The following CLK3 variants were observed in gnomAD, a reference collection of about 807,000 sequenced individuals.
The protein encoded by CLK3 is CDC like kinase 3.
A neutral mutation model predicts 65.2 loss-of-function variants in CLK3; 24 were observed. The observed-to-expected ratio is 0.37, with a 90% CI of 0.27 to 0.52. The LOEUF (loss-of-function observed/expected upper bound fraction) is 0.52, where lower values mean the gene tolerates loss of function less well. Ranked by LOEUF, CLK3 falls within the 20% of genes least tolerant of loss-of-function variation. CLK3 has a pLI of 0.92. For synonymous variants in CLK3, 252 were observed against 240.8 expected (o/e 1.05, Z -0.43); for missense variants, 506 against 660.0 (o/e 0.77, Z 2.56).
rs758781109 is a variant in CLK3 at position 74,629,674 on chromosome 15, C to T, written c.1297-33C>T. 2.2e-5 allele frequency: 35 copies of T among 1,569,000 alleles called. No homozygotes were observed. In the African/African-American group the frequency reaches 2.4e-4, roughly 11 times the overall value. On this transcript the variant is annotated intron_variant, in intron 12 of 12. Coordinates refer to ENST00000395066, the MANE Select transcript of CLK3 (RefSeq NM_001130028.2). The stretch of plus-strand genomic sequence containing the variant: ...CTGCTGTGGCTTCCCACGACCCTGC[C>T]GTCACACTGAGGCACCTTGTGTCCC...
chr15:74,627,502 C>T lies in CLK3; in HGVS notation c.913-37C>T. The T allele has an allele frequency of 6.2e-7, 1 of 1,614,224 alleles. No homozygotes were observed. The highest frequency in any genetic ancestry group is 8.5e-7 in the Non-Finnish European group (1 of 1,180,018). ...TTCAGGGGTGGGTTACCCGCTGGTG[C>T]AGACTCCTGACCTGGCAGGCCTGCC... On this transcript the variant is annotated intron_variant, in intron 8 of 12. Transcript: ENST00000395066. The surrounding 1 kb of genome is among the most constrained non-coding windows in gnomAD (Gnocchi z 4.3).
At chr15:74,618,873 G>A (rs922293398) in intron 1 of CLK3, among the ~76,000 whole-genome samples, 10 of 152,214 alleles carry the variant, frequency 6.6e-5, no homozygotes, top group African/African-American at 2.4e-4. Context: ...TCTCCCTGTG[G>A]TAGTGTTCAC....
intron 6 of CLK3, 133 bp downstream of exon 6, chr15:74,625,151 T>G: frequency 1.5e-6 from 1 of 683,768 alleles, no homozygotes; most frequent in South Asian, 1.8e-5. Flanking sequence ...GTGGCAAAGG[T>G]CTTGCTGGAA....
chr15:74,625,686 A>G, intron 6 of CLK3, 116 bp from the exon 7 acceptor site: 1 of 1,049,626 alleles, frequency 9.5e-7, no homozygotes, highest in Non-Finnish European at 1.4e-6. Context: ...GTGTATCTGC[A>G]TTCTGGTGTG....
Position 74,622,287 on chromosome 15 carries a change from C to T in CLK3, c.466+71C>T. ...CCTTGTTAGACGAGACCTCTCCTGC[C>T]TGGAGGGGCCTCTAGTGCGCGTGGT... On this transcript the variant is annotated intron_variant, in intron 4 of 12. Coordinates refer to ENST00000395066, the MANE Select transcript of CLK3 (RefSeq NM_001130028.2). This position sits in a 1 kb window ranked among gnomAD's most constrained non-coding sequence, Gnocchi z 4.6. 5 of 1,451,876 alleles carry T rather than the reference C, an allele frequency of 3.4e-6. No homozygotes were observed. Among genetic ancestry groups the T allele is most frequent in the Non-Finnish European group, 4.8e-6 (5 of 1,047,668 alleles). The allele number at this position is 1,451,876 out of a possible 1,614,324, so 89.9% of individuals were successfully genotyped here.
Position 74,627,830 on chromosome 15 carries a change from ATC to A in CLK3, c.1043-138_1043-137del, listed in dbSNP as rs1038597883. On this transcript the variant is annotated intron_variant, in intron 9 of 12. Coordinates refer to ENST00000395066, the MANE Select transcript of CLK3 (RefSeq NM_001130028.2). This position sits in a 1 kb window ranked among gnomAD's most constrained non-coding sequence, Gnocchi z 4.3. Reference sequence around the variant, plus strand: ...AGACACAGGTGACTGACCTGGCTTTATCTGTCAGCCTTACTGAGAGAGGGCCT... The same window carrying A: ...AGACACAGGTGACTGACCTGGCTTTATGTCAGCCTTACTGAGAGAGGGCCT... 3.1e-5 allele frequency: 38 copies of A among 1,222,528 alleles called. 1 individual carries two copies. The highest frequency in any genetic ancestry group is 1.1e-5 in the Non-Finnish European group (9 of 842,936). 75.7% of individuals were successfully genotyped at this position (1,222,528 alleles called of 1,614,324 possible).
Position 74,627,114 on chromosome 15 carries a change from G to A in CLK3, c.818-238G>A, listed in dbSNP as rs893250810. 49 of 605,734 alleles carry A rather than the reference G, an allele frequency of 8.1e-5. No homozygotes were observed. The highest frequency in any genetic ancestry group is 2.6e-4 in the Middle Eastern group (1 of 3,858). 37.5% of individuals were successfully genotyped at this position (605,734 alleles called of 1,614,324 possible). On this transcript the variant is annotated intron_variant, in intron 7 of 12. Transcript: ENST00000395066. The surrounding 1 kb of genome is among the most constrained non-coding windows in gnomAD (Gnocchi z 4.3). ...GAGGAGAGGTGGAGGGAGGTTTTTC[G>A]AATGGCAAATTTCTTTCCTACCCCC...
At chr15:74,619,078 G>A (rs1473078080) in intron 1 of CLK3, 119 bp from the exon 2 acceptor site, 2 of 1,217,034 alleles carry the variant, frequency 1.6e-6, no homozygotes, top group East Asian at 2.3e-5. Flanking sequence ...CCTCTGGGAG[G>A]GGCCGCCTTC....
intron 2 of CLK3, among the ~76,000 whole-genome samples, 187 bp downstream of exon 2, chr15:74,619,535 C>T (rs565424437): frequency 2.6e-5 from 4 of 152,152 alleles, no homozygotes; most frequent in South Asian, 2.1e-4. Flanking sequence ...CCATCCTTGC[C>T]GCCCACTCTT....
chr15:74,615,510 G>A, upstream of CLK3: 3 of 1,307,158 alleles, frequency 2.3e-6, no homozygotes, highest in East Asian at 3.1e-5. Flanking sequence ...GGGTCGGGGC[G>A]ACGGAGCGGG....
chr15:74,613,587 T>C (rs1400573388), upstream of CLK3: 1 of 152,022 alleles, frequency 6.6e-6, no homozygotes, highest in Non-Finnish European at 1.5e-5. Flanking sequence ...GCTTCGTGGC[T>C]GGGAGGTAGG....
Position 74,627,109 on chromosome 15 carries a change from T to C in CLK3, c.818-243T>C. On this transcript the variant is annotated intron_variant, in intron 7 of 12. Transcript: ENST00000395066. This position sits in a 1 kb window ranked among gnomAD's most constrained non-coding sequence, Gnocchi z 4.3. ...CTGCAGAGGAGAGGTGGAGGGAGGT[T>C]TTTCGAATGGCAAATTTCTTTCCTA... 1.7e-6 allele frequency: 1 copy of C among 591,822 alleles called. No homozygotes were observed. The highest frequency in any genetic ancestry group is 3.2e-6 in the Non-Finnish European group (1 of 315,786). The allele number at this position is 591,822 out of a possible 1,614,324, so 36.7% of individuals were successfully genotyped here.
rs371930566 is a variant in CLK3 at position 74,624,680 on chromosome 15, C to G, written c.534-222C>G. 7.3e-4 allele frequency: 428 copies of G among 584,644 alleles called. 1 individual carries two copies. The highest frequency in any genetic ancestry group is 1.0e-3 in the Admixed American group (34 of 33,652). The allele number at this position is 584,644 out of a possible 1,614,324, so 36.2% of individuals were successfully genotyped here. ...TGAGAACATAAAAGCCTAAGGATGG[C>G]AAGGATGCTAAGAGCATTAACTCAC... On this transcript the variant is annotated intron_variant, in intron 5 of 12. Coordinates refer to ENST00000395066, the MANE Select transcript of CLK3 (RefSeq NM_001130028.2). The surrounding 1 kb of genome is among the most constrained non-coding windows in gnomAD (Gnocchi z 4.2).
chr15:74,625,770 C>G (rs1460990576), intron 6 of CLK3, 32 bp from the exon 7 acceptor site: 4 of 1,612,492 alleles, frequency 2.5e-6, no homozygotes, highest in Non-Finnish European at 3.4e-6. Context: ...CCCCAGCACA[C>G]AGCCTGAGCC....
intron 1 of CLK3, 106 bp downstream of exon 1, chr15:74,616,004 C>T (rs1045445420): frequency 2.3e-6 from 2 of 879,002 alleles, no homozygotes; most frequent in African/African-American, 1.7e-5. Context: ...TACTCCCTTT[C>T]TTTCTCCTCT....
intron 11 of CLK3, 63 bp downstream of exon 11, chr15:74,628,746 C>A: frequency 1.5e-6 from 2 of 1,370,730 alleles, no homozygotes; most frequent in South Asian, 2.5e-5. Context: ...GGCTGTGGGT[C>A]AGCAGGGTAC....
chr15:74,608,981 T>G (rs2061949631), intron 1 of CLK3, among the ~76,000 whole-genome samples: 1 of 152,218 alleles, frequency 6.6e-6, no homozygotes, highest in Non-Finnish European at 1.5e-5. Flanking sequence ...CAGCCCCACC[T>G]TCTCCTGAAG....
intron 10 of CLK3, 124 bp downstream of exon 10, chr15:74,628,176 A>C: frequency 1.4e-6 from 1 of 721,670 alleles, no homozygotes; most frequent in South Asian, 1.6e-5. Flanking sequence ...ACTAATCATC[A>C]TGTGAGATTC....
At chr15:74,620,314 T>A in intron 3 of CLK3, 89 bp downstream of exon 3, 1 of 1,556,010 alleles carries the variant, frequency 6.4e-7, no homozygotes, top group Non-Finnish European at 8.8e-7. Flanking sequence ...GGGTGAGTAC[T>A]GCCAGCCCTG....
Sources: allele counts gnomAD v4.1 joint callset (sites outside exome capture counted in the v4.1 genomes callset), GRCh38; gene constraint gnomAD v4.1.1; non-coding constraint Gnocchi (gnomAD v3.1); transcripts MANE v1.5; gene names NCBI Gene and HGNC (gene_info 2026-07-23, HGNC 2026-07-21).